GRIK1: variants seen among roughly 807,000 people sequenced by gnomAD.
GRIK1 encodes glutamate receptor ionotropic, kainate 1.
GRIK1 carries 69 observed loss-of-function variants against 105.7 expected under a neutral mutation model. The observed-to-expected ratio is 0.65, with a 90% confidence interval of 0.54 to 0.80. The LOEUF (loss-of-function observed/expected upper bound fraction) is 0.80. Among genes scored for constraint, GRIK1 ranks in the 30% least tolerant of loss-of-function variants. The probability of loss-of-function intolerance (pLI) is 0.00; values close to 1 mark genes in which losing one functional copy is unlikely to be tolerated. For synonymous variants in GRIK1, 438 were observed against 431.3 expected (o/e 1.02, Z -0.19); for missense variants, 1,109 against 1,167.3 (o/e 0.95, Z 0.73).
intron 16 of GRIK1, among the ~76,000 whole-genome samples, chr21:29,544,228 G>T (rs2090015684): frequency 2.0e-5 from 3 of 152,124 alleles, no homozygotes; most frequent in South Asian, 2.1e-4. Flanking sequence ...ATTTCATTTA[G>T]AAACCTTATT....
At chr21:29,797,257 G>A (rs2145841849) in intron 1 of GRIK1, among the ~76,000 whole-genome samples, 1 of 152,308 alleles carries the variant, frequency 6.6e-6, no homozygotes, top group East Asian at 1.9e-4. Flanking sequence ...CTTTGTGCAT[G>A]GGAGGAAGGT....
At chr21:29,889,126 A>C (rs1016336305) in intron 1 of GRIK1, among the ~76,000 whole-genome samples, 1 of 152,226 alleles carries the variant, frequency 6.6e-6, no homozygotes, top group Non-Finnish European at 1.5e-5. Context: ...TCAACTCTTT[A>C]AAAAGTATAC....
intron 1 of GRIK1, among the ~76,000 whole-genome samples, chr21:29,880,464 G>T (rs557965355): frequency 9.9e-5 from 15 of 152,188 alleles, no homozygotes; most frequent in Admixed American, 4.6e-4. Context: ...CACATAGGAA[G>T]TTAAAAGATG....
chr21:29,888,161 T>TTTTCTTTCTTTC (rs11436370), intron 1 of GRIK1, among the ~76,000 whole-genome samples: 1,657 of 7,314 alleles, frequency 0.23, 347 homozygotes, highest in African/African-American at 0.31. Context: ...CTCCTTTCTT[T>TTTTCTTTCTTTC]TTTCTTTCTT....
intron 1 of GRIK1, among the ~76,000 whole-genome samples, chr21:29,834,312 T>TTA (rs1216020259): frequency 1.3e-5 from 2 of 148,592 alleles, no homozygotes; most frequent in South Asian, 2.1e-4. Context: ...GGCAATATTC[T>TTA]TATATATATA....
In GRIK1 at chr21:29,763,308, G is replaced by A. The variant is rs553327053; in HGVS notation, c.119-69245C>T. ...TTCCCCTTTGCCTTCTGCCATGATT[G>A]TAAGTTTCCTGAGGCTTCCCCAGCC... On this transcript the variant is annotated intron_variant, in intron 1 of 17. Transcript: ENST00000327783. Among the ~76,000 whole-genome samples, 3 of 152,282 alleles carry A rather than the reference G, an allele frequency of 2.0e-5. 1 individual carries two copies. The highest frequency in any genetic ancestry group is 6.5e-5 in the Admixed American group (1 of 15,304).
intron 1 of GRIK1, among the ~76,000 whole-genome samples, chr21:29,823,301 A>T (rs1486185193): frequency 6.6e-6 from 1 of 151,960 alleles, no homozygotes; most frequent in Non-Finnish European, 1.5e-5. Context: ...TGATGTATTA[A>T]CTTTAGTTAC....
chr21:29,649,584 G>A (rs753624240), intron 6 of GRIK1, among the ~76,000 whole-genome samples: 2 of 152,100 alleles, frequency 1.3e-5, no homozygotes, highest in African/African-American at 2.4e-5. Flanking sequence ...TTCACCTCAC[G>A]CTCGGCCTGA....
chr21:29,637,188 G>C (rs1239380998), intron 7 of GRIK1, among the ~76,000 whole-genome samples: 1 of 152,166 alleles, frequency 6.6e-6, no homozygotes, highest in African/African-American at 2.4e-5. Flanking sequence ...AAATAACTAA[G>C]GACAACTGAT....
At chr21:29,891,327 T>C (rs1274002155) in intron 1 of GRIK1, among the ~76,000 whole-genome samples, 1 of 152,210 alleles carries the variant, frequency 6.6e-6, no homozygotes, top group Non-Finnish European at 1.5e-5. Context: ...AATATTTTTA[T>C]GTTATGATTC....
intron 14 of GRIK1, 92 bp downstream of exon 14, chr21:29,576,868 TTTTC>T: frequency 1.4e-6 from 1 of 720,078 alleles, no homozygotes; most frequent in Non-Finnish European, 2.3e-6. Context: ...CAACATCTTT[TTTTC>T]TTTTTTCTTT....
At chr21:29,679,715 T>C in intron 3 of GRIK1, among the ~76,000 whole-genome samples, 1 of 152,220 alleles carries the variant, frequency 6.6e-6, no homozygotes, top group Non-Finnish European at 1.5e-5. Flanking sequence ...TCTTCTTTCT[T>C]TCCTAACCTC....
At chr21:29,754,782 G>C (rs1428242548) in intron 1 of GRIK1, among the ~76,000 whole-genome samples, 1 of 152,190 alleles carries the variant, frequency 6.6e-6, no homozygotes, top group Non-Finnish European at 1.5e-5. Flanking sequence ...AGGATGTAAA[G>C]GTAGAACTGA....
intron 1 of GRIK1, among the ~76,000 whole-genome samples, chr21:29,841,258 C>T (rs2067975199): frequency 6.6e-6 from 1 of 152,062 alleles, no homozygotes; most frequent in Non-Finnish European, 1.5e-5. Context: ...CAAAAATAAG[C>T]CAAGTTAAGC....
At chr21:29,850,891 GA>G (rs2068283060) in intron 1 of GRIK1, among the ~76,000 whole-genome samples, 1 of 152,100 alleles carries the variant, frequency 6.6e-6, no homozygotes, top group Non-Finnish European at 1.5e-5. Context: ...TAATATTTTA[GA>G]AGAACAGACT....
intron 1 of GRIK1, among the ~76,000 whole-genome samples, chr21:29,784,456 C>T (rs919241347): frequency 1.3e-5 from 2 of 152,100 alleles, no homozygotes; most frequent in Admixed American, 1.3e-4. Flanking sequence ...CCTCCATCCC[C>T]CATATACATA....
At chr21:29,602,888 C>G (rs1861620563) in intron 7 of GRIK1, among the ~76,000 whole-genome samples, 2 of 151,966 alleles carry the variant, frequency 1.3e-5, no homozygotes, top group South Asian at 2.1e-4. Flanking sequence ...TTTGATATCT[C>G]TTTTATAATT....
chr21:29,921,873 T>G (rs1454439884), intron 1 of GRIK1, among the ~76,000 whole-genome samples: 1 of 152,192 alleles, frequency 6.6e-6, no homozygotes, highest in Non-Finnish European at 1.5e-5. Context: ...ATACACTTCT[T>G]GCATTTCCTA....
intron 1 of GRIK1, among the ~76,000 whole-genome samples, chr21:29,835,360 GC>G (rs747478451): frequency 5.9e-5 from 9 of 152,156 alleles, no homozygotes; most frequent in African/African-American, 9.7e-5. Context: ...GAGAGGCGTG[GC>G]CCCAGGAGCA....
Sources: allele counts gnomAD v4.1 joint callset (sites outside exome capture counted in the v4.1 genomes callset), GRCh38; gene constraint gnomAD v4.1.1; transcripts MANE v1.5; gene names NCBI Gene and HGNC (gene_info 2026-07-23, HGNC 2026-07-21).